RABGAP1L: variants seen among roughly 807,000 people sequenced by gnomAD.
The protein encoded by RABGAP1L is RAB GTPase activating protein 1 like.
Under a neutral mutation model 137.7 loss-of-function variants are expected in RABGAP1L, and 63 were observed. That is an observed-to-expected ratio of 0.46 (90% CI 0.37 to 0.56). RABGAP1L has a LOEUF of 0.56. Among genes scored for constraint, RABGAP1L ranks in the 20% least tolerant of loss-of-function variants. The pLI is 0.00. For synonymous variants in RABGAP1L, 431 were observed against 433.7 expected (o/e 0.99, Z 0.08); for missense variants, 1,095 against 1,244.0 (o/e 0.88, Z 1.80).
intron 13 of RABGAP1L, among the ~76,000 whole-genome samples, chr1:174,403,191 A>G (rs1648813936): frequency 7.1e-6 from 1 of 141,616 alleles, no homozygotes; most frequent in East Asian, 2.2e-4. Context: ...TCGAAAGTGT[A>G]TGTGGTTATA....
At chr1:174,274,892 C>G (rs1674850209) in intron 8 of RABGAP1L, among the ~76,000 whole-genome samples, 1 of 152,066 alleles carries the variant, frequency 6.6e-6, no homozygotes, top group Admixed American at 6.6e-5. Flanking sequence ...AAAAGTTTTT[C>G]TCTTTGTTTT....
chr1:174,358,553 C>G (rs559202990), intron 11 of RABGAP1L, among the ~76,000 whole-genome samples: 1 of 152,194 alleles, frequency 6.6e-6, no homozygotes, highest in Admixed American at 6.6e-5. Flanking sequence ...GTGACACTTT[C>G]ACATCTTTCT....
rs181937316 is a variant in RABGAP1L at position 174,489,742 on chromosome 1, C to T, written c.1710+95597C>T. ...GACACGTGCACACGTATGTTTATTG[C>T]GCCACTATTCACAATAGCAAAGACT... On this transcript the variant is annotated intron_variant, in intron 13 of 25. Transcript: ENST00000681986. Among the ~76,000 whole-genome samples the T allele has an allele frequency of 1.8e-4, 28 of 152,200 alleles. No individual in the cohort carries two copies. The East Asian group carries it at 2.1e-3, about 12-fold the overall frequency.
At chr1:174,589,983 A>C (rs7555533) in intron 13 of RABGAP1L, among the ~76,000 whole-genome samples, 88,393 of 151,962 alleles carry the variant, frequency 0.58, 28,034 homozygotes, top group African/African-American at 0.85. Flanking sequence ...TTATTTATTT[A>C]TATTTCTGTG....
intron 14 of RABGAP1L, among the ~76,000 whole-genome samples, chr1:174,666,332 T>C (rs1186514320): frequency 6.6e-6 from 1 of 152,214 alleles, no homozygotes; most frequent in African/African-American, 2.4e-5. Flanking sequence ...TACGTAAATA[T>C]CAAGCTCCTG....
chr1:174,555,559 C>T (rs989142733), intron 13 of RABGAP1L, among the ~76,000 whole-genome samples: 3 of 152,030 alleles, frequency 2.0e-5, no homozygotes, highest in African/African-American at 7.3e-5. Flanking sequence ...TGTATGTTCC[C>T]TTTCTTTAAT....
At chr1:174,716,549 T>C (rs1681026430) in intron 17 of RABGAP1L, among the ~76,000 whole-genome samples, 1 of 152,214 alleles carries the variant, frequency 6.6e-6, no homozygotes. Flanking sequence ...GTACTAGAAC[T>C]GTTGTTTGCA....
chr1:174,934,276 C>T (rs539077145), intron 19 of RABGAP1L, among the ~76,000 whole-genome samples: 10 of 152,042 alleles, frequency 6.6e-5, no homozygotes, highest in African/African-American at 1.9e-4. Flanking sequence ...TTAGTAGAGA[C>T]GGGGTTTCAC....
intron 13 of RABGAP1L, chr1:174,449,100 G>C (rs1297539490): frequency 6.2e-7 from 1 of 1,614,010 alleles, no homozygotes; most frequent in Non-Finnish European, 8.5e-7. Context: ...GGCCTCCGAA[G>C]ACTGTCTGAG....
intron 18 of RABGAP1L, among the ~76,000 whole-genome samples, chr1:174,804,930 G>C (rs1446265676): frequency 6.6e-6 from 1 of 152,104 alleles, no homozygotes; most frequent in Non-Finnish European, 1.5e-5. Flanking sequence ...TTTTACCTCT[G>C]TTGTTAACAG....
At position 174,205,790 on chromosome 1, in the gene RABGAP1L, G is replaced by C. The variant is rs537688452; in HGVS notation, c.-33-13335G>C. Among the ~76,000 whole-genome samples the C allele has an allele frequency of 1.3e-3, 191 of 151,990 alleles. 2 individuals carry two copies. Among genetic ancestry groups the C allele is most frequent in the African/African-American group, 4.4e-3 (184 of 41,438 alleles). On this transcript the variant is annotated intron_variant, in intron 1 of 25. Coordinates refer to ENST00000681986, the MANE Select transcript of RABGAP1L (RefSeq NM_001366446.1). Reference sequence around the variant, plus strand: ...TTTACTTCAGTTCAGCTCTGATTTTGAATACTTCTTTTCTTCTGGTAGCTT... The same window carrying C: ...TTTACTTCAGTTCAGCTCTGATTTTCAATACTTCTTTTCTTCTGGTAGCTT...
At chr1:174,195,658 CT>C (rs764640954) in intron 1 of RABGAP1L, among the ~76,000 whole-genome samples, 11,118 of 80,504 alleles carry the variant, frequency 0.14, 918 homozygotes, top group Middle Eastern at 0.34. Flanking sequence ...CCTTCCTTTC[CT>C]TTCCTTTCCT....
intron 3 of RABGAP1L, among the ~76,000 whole-genome samples, chr1:174,224,006 G>A (rs971257808): frequency 2.6e-5 from 4 of 152,064 alleles, no homozygotes; most frequent in Admixed American, 2.6e-4. Context: ...ATCTTTGAGT[G>A]CAATAAAATA....
At chr1:174,944,570 A>G (rs1329438623) in intron 19 of RABGAP1L, among the ~76,000 whole-genome samples, 1 of 151,416 alleles carries the variant, frequency 6.6e-6, no homozygotes, top group African/African-American at 2.4e-5. Context: ...CTGGAAAGTC[A>G]AGGCTGAAGT....
intron 11 of RABGAP1L, among the ~76,000 whole-genome samples, chr1:174,350,773 C>G (rs1683088577): frequency 2.1e-5 from 1 of 48,342 alleles, no homozygotes; most frequent in Non-Finnish European, 4.1e-5. Flanking sequence ...GAGCCGAGAT[C>G]ACGCCACTGC....
intron 11 of RABGAP1L, among the ~76,000 whole-genome samples, chr1:174,311,108 G>C (rs1386944657): frequency 6.6e-6 from 1 of 152,076 alleles, no homozygotes; most frequent in Non-Finnish European, 1.5e-5. Flanking sequence ...TCACACTGCT[G>C]TAAGGGTACT....
At chr1:174,218,990 A>T (rs928039513) in intron 1 of RABGAP1L, 135 bp from the exon 2 acceptor site, 10 of 666,484 alleles carry the variant, frequency 1.5e-5, no homozygotes, top group Non-Finnish European at 1.7e-5. Context: ...AGCCTCCCTA[A>T]CTTTGAGATA....
In RABGAP1L at chr1:174,195,784, C is replaced by T. The variant is rs1420846169; in HGVS notation, c.-33-23341C>T. On this transcript the variant is annotated intron_variant, in intron 1 of 25. Transcript: ENST00000681986. ...CTCTCTTTCTCTCTTTCCTTTCTTT[C>T]TTTTCTTTCTTTCTTTCTTTCTTTC... Among the ~76,000 whole-genome samples, 297 of 80,670 alleles carry T rather than the reference C, an allele frequency of 3.7e-3. 2 individuals are homozygous for T. The highest frequency in any genetic ancestry group is 0.012 in the African/African-American group (266 of 22,146). The allele number at this position is 80,670 out of a possible 152,430, so 52.9% of individuals were successfully genotyped here.
At chr1:174,925,889 G>GTTTTTTTTTTTTTTTTTTTTTTTTTTTTT (rs376200965) in intron 19 of RABGAP1L, among the ~76,000 whole-genome samples, 3 of 108,082 alleles carry the variant, frequency 2.8e-5, no homozygotes, top group Non-Finnish European at 3.9e-5. Context: ...TTTTTTTTGT[G>GTTTTTTTTTTTTTTTTTTTTTTTTTTTTT]TTTTTTTTTT....
Sources: gnomAD v4.1 joint callset for allele counts (sites outside exome capture counted in the v4.1 genomes callset) on GRCh38, gnomAD v4.1.1 for gene constraint, MANE v1.5 for transcripts, NCBI Gene and HGNC (gene_info 2026-07-23, HGNC 2026-07-21) for gene names.